The following FBXL7 variants were observed in gnomAD, a reference collection of about 807,000 sequenced individuals.
FBXL7 encodes the protein F-box and leucine rich repeat protein 7.
A neutral mutation model predicts 38.3 loss-of-function variants in FBXL7; 12 were observed. The ratio of observed to expected loss-of-function variants is 0.31; its 90% confidence interval spans 0.20 to 0.51. The LOEUF is 0.51. Ranked by LOEUF, FBXL7 falls within the 20% of genes least tolerant of loss-of-function variation. The probability of loss-of-function intolerance (pLI) is 0.98; values close to 1 mark genes in which losing one functional copy is unlikely to be tolerated. For missense variants in FBXL7, 567 were observed against 676.4 expected (o/e 0.84, Z 1.79); for synonymous variants, 297 against 300.9 (o/e 0.99, Z 0.13).
intron 1 of FBXL7, among the ~76,000 whole-genome samples, chr5:15,547,808 C>G (rs117020642): frequency 6.6e-6 from 1 of 152,182 alleles, no homozygotes; most frequent in Non-Finnish European, 1.5e-5. Flanking sequence ...GCACATCCTA[C>G]AGTTATTCTT....
chr5:15,637,950 A>G (rs1167143624), intron 2 of FBXL7, among the ~76,000 whole-genome samples: 1 of 152,200 alleles, frequency 6.6e-6, no homozygotes, highest in Admixed American at 6.5e-5. Context: ...TTATCTTTGA[A>G]AACTGGGGGA....
chr5:15,544,086 T>C (rs151113560), intron 1 of FBXL7, among the ~76,000 whole-genome samples: 2 of 152,302 alleles, frequency 1.3e-5, no homozygotes, highest in East Asian at 3.9e-4. Context: ...TAAATATGAG[T>C]GCAGAACTGC....
At chr5:15,788,332 C>T (rs1191263508) in intron 2 of FBXL7, among the ~76,000 whole-genome samples, 1 of 152,128 alleles carries the variant, frequency 6.6e-6, no homozygotes, top group African/African-American at 2.4e-5. Context: ...AGAGCCTAGC[C>T]TGGAATTTGA....
chr5:15,672,851 G>A (rs1233143088), intron 2 of FBXL7, among the ~76,000 whole-genome samples: 6 of 149,312 alleles, frequency 4.0e-5, no homozygotes, highest in African/African-American at 7.4e-5. Context: ...CACCACACCC[G>A]GCCTGTAATT....
At chr5:15,541,236 T>C (rs538875989) in intron 1 of FBXL7, among the ~76,000 whole-genome samples, 1 of 151,772 alleles carries the variant, frequency 6.6e-6, no homozygotes, top group South Asian at 2.1e-4. Flanking sequence ...TCCCATCCAG[T>C]ACTGCTTACA....
chr5:15,504,445 T>C (rs1468381034), intron 1 of FBXL7, among the ~76,000 whole-genome samples: 1 of 152,210 alleles, frequency 6.6e-6, no homozygotes. Context: ...CTCTTCTAAC[T>C]CAACCAGTCC....
chr5:15,841,407 A>C (rs1280027545), intron 2 of FBXL7, among the ~76,000 whole-genome samples: 1 of 152,166 alleles, frequency 6.6e-6, no homozygotes, highest in Non-Finnish European at 1.5e-5. Flanking sequence ...ATAATAGAAT[A>C]ATGAAATAAA....
intron 2 of FBXL7, among the ~76,000 whole-genome samples, chr5:15,749,584 G>C (rs62350581): frequency 6.6e-6 from 1 of 151,808 alleles, no homozygotes; most frequent in East Asian, 1.9e-4. Context: ...CCGAGATTGC[G>C]CCACTGCACT....
At chr5:15,521,036 G>A (rs968305065) in intron 1 of FBXL7, among the ~76,000 whole-genome samples, 5 of 152,184 alleles carry the variant, frequency 3.3e-5, no homozygotes, top group Admixed American at 6.5e-5. Context: ...AACAGAGAGC[G>A]TAGTTGCTAA....
chr5:15,833,718 G>T (rs958599845), intron 2 of FBXL7, among the ~76,000 whole-genome samples: 2 of 152,200 alleles, frequency 1.3e-5, no homozygotes, highest in African/African-American at 4.8e-5. Flanking sequence ...GCTAAGAGAG[G>T]TTGTAACACT....
intron 2 of FBXL7, among the ~76,000 whole-genome samples, chr5:15,676,091 T>C (rs1742645335): frequency 6.6e-6 from 1 of 152,330 alleles, no homozygotes; most frequent in South Asian, 2.1e-4. Context: ...CGATCTGGAA[T>C]TAAACTGCCC....
intron 2 of FBXL7, among the ~76,000 whole-genome samples, chr5:15,861,134 G>A (rs1442414070): frequency 1.3e-5 from 2 of 152,166 alleles, no homozygotes. Context: ...TTAGGCCCAG[G>A]TGTGACCATG....
intron 2 of FBXL7, among the ~76,000 whole-genome samples, chr5:15,891,537 T>C (rs1024515037): frequency 1.3e-5 from 2 of 152,210 alleles, no homozygotes; most frequent in African/African-American, 2.4e-5. Context: ...AAAGATGATG[T>C]CCTTTGAGCT....
At chr5:15,694,462 G>C (rs746644810) in intron 2 of FBXL7, among the ~76,000 whole-genome samples, 1 of 152,190 alleles carries the variant, frequency 6.6e-6, no homozygotes, top group Admixed American at 6.5e-5. Context: ...TGAGATGTGA[G>C]TGGCCTAAGA....
chr5:15,871,936 A>G (rs906828219), intron 2 of FBXL7, among the ~76,000 whole-genome samples: 1 of 152,182 alleles, frequency 6.6e-6, no homozygotes, highest in South Asian at 2.1e-4. Flanking sequence ...AATACAGAGA[A>G]CACCACAAAG....
chr5:15,805,719 G>A (rs1266717487), intron 2 of FBXL7, among the ~76,000 whole-genome samples: 1 of 152,086 alleles, frequency 6.6e-6, no homozygotes, highest in East Asian at 1.9e-4. Flanking sequence ...CAGAAAAAAA[G>A]GGTATATTTA....
At chr5:15,501,740 G>A in intron 1 of FBXL7, 1 of 985,368 alleles carries the variant, frequency 1.0e-6, no homozygotes, top group African/African-American at 1.7e-5. Flanking sequence ...GTCTCTCCTC[G>A]TTTCTCAGCA....
chr5:15,675,942 A>G (rs560717785), intron 2 of FBXL7, among the ~76,000 whole-genome samples: 6 of 152,342 alleles, frequency 3.9e-5, no homozygotes, highest in African/African-American at 9.6e-5. Context: ...ACAAAGCAAC[A>G]TTAATGGAGA....
rs905802449 is a variant in FBXL7, at chr5:15,719,260, T to G, written c.127+103188T>G. Among the ~76,000 whole-genome samples the G allele has an allele frequency of 2.3e-4, 35 of 152,322 alleles. 1 individual carries two copies. Among genetic ancestry groups the G allele is most frequent in the Admixed American group, 3.3e-4 (5 of 15,300 alleles). On this transcript the variant is annotated intron_variant, in intron 2 of 3. Transcript: ENST00000504595. ...ATGACAAATCCTTTGCCCAGAAGAT[T>G]AAGTAATTATTCTCTTGTCGTTCTG... is the stretch of plus-strand genomic sequence containing the variant.
Sources: gnomAD v4.1 joint callset for allele counts (sites outside exome capture counted in the v4.1 genomes callset) on GRCh38, gnomAD v4.1.1 for gene constraint, MANE v1.5 for transcripts, NCBI Gene and HGNC (gene_info 2026-07-23, HGNC 2026-07-21) for gene names.